Variants in KDM5B observed in about 807,000 individuals in gnomAD.
The protein encoded by KDM5B is lysine-specific demethylase 5B.
KDM5B carries 144 observed loss-of-function variants against 193.4 expected under a neutral mutation model. The observed-to-expected ratio is 0.74, with a 90% CI of 0.65 to 0.86. The LOEUF (loss-of-function observed/expected upper bound fraction) is 0.86. Among genes scored for constraint, KDM5B ranks in the 40% least tolerant of loss-of-function variants. The pLI, the probability that KDM5B is intolerant of heterozygous loss-of-function variation, is 0.00. For synonymous variants in KDM5B, 668 were observed against 682.6 expected (o/e 0.98, Z 0.33); for missense variants, 1,833 against 1,886.9 (o/e 0.97, Z 0.53).
chr1:202,753,871 T>C (rs1172728953), intron 11 of KDM5B, among the ~76,000 whole-genome samples: 3 of 152,116 alleles, frequency 2.0e-5, no homozygotes, highest in Non-Finnish European at 4.4e-5. Context: ...GGTTTCACCA[T>C]GTTGCCAGGC....
At chr1:202,806,834 G>A (rs995781140) in intron 1 of KDM5B, 1 of 152,254 alleles carries the variant, frequency 6.6e-6, no homozygotes, top group Admixed American at 6.5e-5. Flanking sequence ...GGGGAAGAGA[G>A]TGGGGAGAAG....
intron 1 of KDM5B, among the ~76,000 whole-genome samples, chr1:202,786,596 T>C (rs1302336325): frequency 2.6e-5 from 4 of 152,234 alleles, no homozygotes; most frequent in Non-Finnish European, 5.9e-5. Flanking sequence ...AAAACCACGA[T>C]TTCTTTTGCA....
chr1:202,801,370 T>C (rs1183742500), intron 1 of KDM5B, among the ~76,000 whole-genome samples: 1 of 152,174 alleles, frequency 6.6e-6, no homozygotes, highest in Admixed American at 6.5e-5. Context: ...GTTAAAGGAC[T>C]GAGTGTCTTA....
At chr1:202,768,890 T>C (rs1260380436) in intron 4 of KDM5B, among the ~76,000 whole-genome samples, 1 of 151,624 alleles carries the variant, frequency 6.6e-6, no homozygotes, top group Non-Finnish European at 1.5e-5. Context: ...GCTGATTTTG[T>C]ATTTTTAGTA....
chr1:202,783,017 A>T (rs976257431), intron 1 of KDM5B, among the ~76,000 whole-genome samples: 10 of 152,232 alleles, frequency 6.6e-5, no homozygotes, highest in African/African-American at 2.4e-4. Context: ...AGGCCAAGGC[A>T]GGAGGATCAC....
chr1:202,737,767 G>T (rs1156407167), intron 20 of KDM5B, among the ~76,000 whole-genome samples: 1 of 152,164 alleles, frequency 6.6e-6, no homozygotes, highest in Non-Finnish European at 1.5e-5. Flanking sequence ...AAAAAGTGGG[G>T]TGGGGAGGAA....
chr1:202,751,673 TCA>T (rs1333143120), intron 12 of KDM5B, among the ~76,000 whole-genome samples: 3 of 152,212 alleles, frequency 2.0e-5, no homozygotes, highest in Non-Finnish European at 4.4e-5. Context: ...CTCATAGTTG[TCA>T]CCACTGTCAA....
At chr1:202,746,775 G>A (rs1009907957) in intron 14 of KDM5B, among the ~76,000 whole-genome samples, 7 of 152,302 alleles carry the variant, frequency 4.6e-5, no homozygotes, top group Non-Finnish European at 4.4e-5. Flanking sequence ...AAAGACTATC[G>A]TGCAGAAATT....
At chr1:202,757,684 A>G (rs1441728355) in intron 9 of KDM5B, among the ~76,000 whole-genome samples, 1 of 152,234 alleles carries the variant, frequency 6.6e-6, no homozygotes, top group Non-Finnish European at 1.5e-5. Flanking sequence ...TGCTGGGGAA[A>G]AACAAATTCA....
At chr1:202,752,884 G>C in intron 12 of KDM5B, 21 bp downstream of exon 12, 1 of 1,591,336 alleles carries the variant, frequency 6.3e-7, no homozygotes, top group Non-Finnish European at 8.5e-7. Flanking sequence ...TGAGTGGCAG[G>C]AGGATTAACC....
intron 1 of KDM5B, among the ~76,000 whole-genome samples, chr1:202,784,777 T>G (rs1370604931): frequency 6.6e-6 from 1 of 152,182 alleles, no homozygotes; most frequent in African/African-American, 2.4e-5. Context: ...CGGTGGCTCA[T>G]GCCAGTAATC....
intron 10 of KDM5B, 92 bp downstream of exon 10, chr1:202,756,266 A>T: frequency 1.9e-6 from 2 of 1,050,600 alleles, no homozygotes; most frequent in Non-Finnish European, 2.8e-6. Context: ...TCTGGTAATT[A>T]AGGATTTGCT....
At position 202,753,089 on chromosome 1, in the gene KDM5B, A is replaced by C. The variant is rs1309979797; in HGVS notation, c.1539-22T>G. The C allele has an allele frequency of 3.8e-6, 6 of 1,598,986 alleles. No individual in the cohort carries two copies. The African/African-American group carries it at 5.4e-5, about 14-fold the overall frequency. Reference sequence around the variant, plus strand: ...ACCCCTGGAAATAGATTATAAAAATAAATCAATCTGCAACACCAACACAAA... The same window carrying C: ...ACCCCTGGAAATAGATTATAAAAATCAATCAATCTGCAACACCAACACAAA... On this transcript the variant is annotated intron_variant, in intron 11 of 26. Transcript: ENST00000367265.
rs772424958 is a variant in KDM5B, at chr1:202,741,440, T to C, written c.2872A>G (p.Met958Val). 5 of 1,609,792 alleles carry C rather than the reference T, an allele frequency of 3.1e-6. No homozygotes were observed. The highest frequency in any genetic ancestry group is 4.2e-6 in the Non-Finnish European group (5 of 1,177,174). Residue 958 changes from methionine (M) to valine (V), a missense_variant, in exon 19 of 27, where the codon ATG (methionine) becomes GTG (valine). Met to Val is a conservative substitution (Grantham distance 21). Transcript: ENST00000367265. ...GTGAGCAGTTCCTGCAGCCGGGCCA[T>C]AGCTTTCTCCACTGCTGAATACGGG... ...LAPYSAVEKA[M>V]ARLQELLTVS... is the part of the protein sequence containing the mutation.
rs190876684 is a variant in KDM5B at position 202,764,904 on chromosome 1, G to A, written c.712-759C>T. On this transcript the variant is annotated intron_variant, in intron 5 of 26. Coordinates refer to ENST00000367265, the MANE Select transcript of KDM5B (RefSeq NM_006618.5). ...AGGCATGAGATTTGCTTGAACCCAG[G>A]AGGCAGAGGTTGCAGTGAGCCAAGA... Among the ~76,000 whole-genome samples the A allele has an allele frequency of 2.4e-4, 37 of 152,324 alleles. No homozygotes were observed. The East Asian group carries it at 6.6e-3, about 27-fold the overall frequency.
Position 202,735,589 on chromosome 1 carries a change from T to C in KDM5B, c.3265-2A>G. ...AATATCACATCGAGGACACAGCACC[T>C]AATGTGGGACAAGGCACAACCAATG... On this transcript the variant is annotated splice_acceptor_variant, in intron 21 of 26. Transcript: ENST00000367265. LOFTEE classifies it high-confidence loss of function. 1 of 1,613,176 alleles carries C rather than the reference T, an allele frequency of 6.2e-7. No homozygotes were observed. The highest frequency in any genetic ancestry group is 8.5e-7 in the Non-Finnish European group (1 of 1,179,290).
chr1:202,757,720 T>C (rs943622413), intron 9 of KDM5B, among the ~76,000 whole-genome samples: 4 of 151,926 alleles, frequency 2.6e-5, no homozygotes, highest in Non-Finnish European at 5.9e-5. Context: ...GATCCATAAA[T>C]TGATACAGCA....
At chr1:202,799,359 A>C (rs946945408) in intron 1 of KDM5B, among the ~76,000 whole-genome samples, 1 of 152,236 alleles carries the variant, frequency 6.6e-6, no homozygotes, top group African/African-American at 2.4e-5. Context: ...CTGGCTTTTG[A>C]AAAGTAATTT....
Position 202,751,798 on chromosome 1 carries a change from C to G in KDM5B, c.1702-1020G>C, listed in dbSNP as rs747643684. ...TCTCTGTAGGTCCAGAATCTAACTC[C>G]AGAAAGTTTGCTCAATTATTAAAGA... On this transcript the variant is annotated intron_variant, in intron 12 of 26. Coordinates refer to ENST00000367265, the MANE Select transcript of KDM5B (RefSeq NM_006618.5). Among the ~76,000 whole-genome samples, 341 of 152,248 alleles carry G rather than the reference C, an allele frequency of 2.2e-3. 4 individuals carry two copies. Among genetic ancestry groups the G allele is most frequent in the Middle Eastern group, 6.8e-3 (2 of 294 alleles).
Sources: gnomAD v4.1 joint callset for allele counts (sites outside exome capture counted in the v4.1 genomes callset) on GRCh38, gnomAD v4.1.1 for gene constraint, MANE v1.5 for transcripts, NCBI Gene and HGNC (gene_info 2026-07-23, HGNC 2026-07-21) for gene names.